The following NBPF15 variants were observed in gnomAD, a reference collection of about 807,000 sequenced individuals.
NBPF15 encodes the protein NBPF family member NBPF15.
Under a neutral mutation model 62.2 loss-of-function variants are expected in NBPF15, and 74 were observed. That is an observed-to-expected ratio of 1.19 (90% CI 0.99 to 1.44). The LOEUF (loss-of-function observed/expected upper bound fraction) is 1.44. Among genes scored for constraint, NBPF15 ranks in the 40% most tolerant of loss-of-function variants. The probability of loss-of-function intolerance (pLI) is 0.00; values close to 1 mark genes in which losing one functional copy is unlikely to be tolerated. For synonymous variants in NBPF15, 244 were observed against 209.7 expected (o/e 1.16, Z -1.41); for missense variants, 790 against 550.0 (o/e 1.44, Z -4.36).
rs2101655584 is a variant in NBPF15, at chr1:144,426,383, A to G, written c.1333T>C (p.Ser445Pro). 1.2e-6 allele frequency: 1 copy of G among 837,516 alleles called. No homozygotes were observed. The allele number at this position is 837,516 out of a possible 1,614,324, so 51.9% of individuals were successfully genotyped here. A position where few individuals can be genotyped will look rare whatever the true frequency, so the allele number is the denominator to read the frequency against. The change falls in exon 18 of 22, where the codon TCG becomes CCG. Residue 445 changes from serine (S) to proline (P), a missense_variant. Physicochemically the swap from Ser to Pro is moderately conservative, Grantham distance 74. Transcript: ENST00000581897. ...AGTTCAAGATAATCTGAAGGAGTCG[A>G]ATAACATCTATCCAGTGAGTCCTGC... ...VLQDSLDRCY[S>P]TPSDYLELPD...
chr1:144,439,250 G>T (rs1419995276), intron 8 of NBPF15, among the ~76,000 whole-genome samples: 2 of 151,772 alleles, frequency 1.3e-5, no homozygotes, highest in Non-Finnish European at 2.9e-5. Flanking sequence ...CCAAAGTGCT[G>T]GGATTACAGG....
chr1:144,454,906 G>T (rs1553546494), intron 4 of NBPF15, among the ~76,000 whole-genome samples: 1 of 150,302 alleles, frequency 6.7e-6, no homozygotes, highest in Non-Finnish European at 1.5e-5. Flanking sequence ...AGGGCTACAG[G>T]ACGAGCTCCC....
intron 5 of NBPF15, among the ~76,000 whole-genome samples, chr1:144,450,532 A>G (rs1210211494): frequency 6.7e-6 from 1 of 150,340 alleles, no homozygotes. Flanking sequence ...CAGCCAGCCC[A>G]TTCCCGGATT....
chr1:144,439,848 G>A lies in NBPF15; in HGVS notation c.156C>T (p.Ala52=). The stretch of plus-strand genomic sequence containing the variant: ...TCTTACTGTATTTCTTCTGTCGGTT[G>A]GCCAGGAAGCCGGCCAGTTGAGTTA... The part of the protein sequence containing the change: ...CFLTQLAGFL[A]NRQKKYKYEE... Residue 52 remains alanine (A), a synonymous_variant, in exon 8 of 22, where the codon GCC becomes GCT. Coordinates refer to ENST00000581897, the MANE Select transcript of NBPF15 (RefSeq NM_001385408.1). The A allele has an allele frequency of 6.2e-7, 1 of 1,606,288 alleles. No homozygotes were observed.
intron 13 of NBPF15, among the ~76,000 whole-genome samples, chr1:144,431,518 G>A (rs1299988351): frequency 6.7e-6 from 1 of 149,850 alleles, no homozygotes; most frequent in African/African-American, 2.5e-5. Flanking sequence ...AATACTTTAA[G>A]TCTTAGGGTA....
rs587670421 is a variant in NBPF15 at position 144,426,404 on chromosome 1, C to T, written c.1312G>A (p.Asp438Asn). 9.8e-6 allele frequency: 8 copies of T among 815,846 alleles called. No homozygotes were observed. The highest frequency in any genetic ancestry group is 1.3e-5 in the South Asian group (1 of 75,028). 50.5% of individuals were successfully genotyped at this position (815,846 alleles called of 1,614,324 possible). The part of the protein sequence containing the change: ...LDEKEPEVLQ[D>N]SLDRCYSTPS... ...GTCGAATAACATCTATCCAGTGAGT[C>T]CTGCAAGACTTCAGGCTCTTTCTCA... Residue 438 changes from aspartate (D) to asparagine (N), a missense_variant, in exon 18 of 22, where the codon GAC becomes AAC. Asp to Asn is a conservative substitution (Grantham distance 23). Coordinates refer to ENST00000581897, the MANE Select transcript of NBPF15 (RefSeq NM_001385408.1).
chr1:144,439,914 C>A lies in NBPF15; in HGVS notation c.90G>T (p.Glu30Asp). 1 of 1,611,608 alleles carries A rather than the reference C, an allele frequency of 6.2e-7. No homozygotes were observed. The highest frequency in any genetic ancestry group is 8.5e-7 in the Non-Finnish European group (1 of 1,179,314). Residue 30 changes from glutamate to aspartate, a missense_variant, in exon 8 of 22, where the codon GAG (glutamate) becomes GAT (aspartate). Transcript: ENST00000581897. The stretch of plus-strand genomic sequence containing the variant: ...TGAGGTTTCTGAACTGCTGTTTCTT[C>A]TCTGCCAACTGGGGGCGCAATTTCT... ...INEKLRPQLA[E>D]KKQQFRNLKE... is the part of the protein sequence containing the mutation.
In NBPF15 at chr1:144,423,882, G is replaced by T. The variant is rs1667579101; in HGVS notation, c.1757C>A (p.Pro586Gln). 2.6e-6 allele frequency: 2 copies of T among 776,568 alleles called. No homozygotes were observed. The highest frequency in any genetic ancestry group is 1.7e-5 in the Admixed American group (1 of 58,974). 48.1% of individuals were successfully genotyped at this position (776,568 alleles called of 1,614,324 possible). A position where few individuals can be genotyped will look rare whatever the true frequency, so the allele number is the denominator to read the frequency against. ...RGRKEGEDDN[P>Q]PCPRLYGVLM... is the part of the protein sequence containing the mutation. The stretch of plus-strand genomic sequence containing the variant: ...TGCTGAAAGTTACCTGGGGCATGGT[G>T]GGTTGTCATCTTCCCCTTCTTTTCT... The change falls in exon 21 of 22, where the codon CCA becomes CAA. Residue 586 changes from proline (P) to glutamine (Q), a missense_variant. Transcript: ENST00000581897.
chr1:144,447,214 C>T (rs1447928533), intron 6 of NBPF15, among the ~76,000 whole-genome samples: 6 of 152,268 alleles, frequency 3.9e-5, no homozygotes, highest in Non-Finnish European at 5.9e-5. Flanking sequence ...AGGAGAGGTG[C>T]CACAGGACCT....
chr1:144,436,841 G>A, intron 10 of NBPF15, 54 bp downstream of exon 10: 3 of 1,602,136 alleles, frequency 1.9e-6, no homozygotes, highest in African/African-American at 1.3e-5. Context: ...ATGGAGGTCT[G>A]GAGTCTCTCA....
At chr1:144,434,734 T>A (rs1198702766) in intron 12 of NBPF15, among the ~76,000 whole-genome samples, 7 of 151,820 alleles carry the variant, frequency 4.6e-5, no homozygotes, top group African/African-American at 1.7e-4. Context: ...TATTTCCAAA[T>A]ACAAAGGCAA....
At chr1:144,441,346 T>C (rs1682789835) in intron 6 of NBPF15, among the ~76,000 whole-genome samples, 1 of 151,976 alleles carries the variant, frequency 6.6e-6, no homozygotes. Context: ...ATATTTTCAG[T>C]CTTTTAAACT....
intron 6 of NBPF15, among the ~76,000 whole-genome samples, chr1:144,446,440 A>G (rs1571150699): frequency 6.6e-6 from 1 of 152,430 alleles, no homozygotes; most frequent in South Asian, 2.1e-4. Flanking sequence ...GCATTGATTT[A>G]GAGCTCTAGT....
Position 144,424,075 on chromosome 1 carries a change from G to A in NBPF15, c.1664-100C>T. The A allele has an allele frequency of 6.6e-6, 5 of 757,394 alleles. No individual in the cohort carries two copies. In the South Asian group the frequency reaches 6.8e-5, roughly 10 times the overall value. 46.9% of individuals were successfully genotyped at this position (757,394 alleles called of 1,614,324 possible). On this transcript the variant is annotated intron_variant, in intron 20 of 21. Transcript: ENST00000581897. ...TCACACAGGGACCTCAGGCTCCTCA[G>A]CATAAGAATACGACACCATGAGAGA...
At position 144,426,399 on chromosome 1, in the gene NBPF15, T is replaced by G. The variant is rs782458171; in HGVS notation, c.1317A>C (p.Ser439=). ...DEKEPEVLQD[S]LDRCYSTPSD... The stretch of plus-strand genomic sequence containing the variant: ...AAGGAGTCGAATAACATCTATCCAG[T>G]GAGTCCTGCAAGACTTCAGGCTCTT... The change falls in exon 18 of 22, where the codon TCA becomes TCC. Residue 439 remains serine (S), a synonymous_variant. Coordinates refer to ENST00000581897, the MANE Select transcript of NBPF15 (RefSeq NM_001385408.1). The G allele has an allele frequency of 1.3e-5, 11 of 821,684 alleles. No homozygotes were observed. The Admixed American group carries it at 1.9e-4, about 14-fold the overall frequency. The allele number at this position is 821,684 out of a possible 1,614,324, so 50.9% of individuals were successfully genotyped here.
In NBPF15 at chr1:144,450,857, T is replaced by G. The variant is rs1571158394; in HGVS notation, c.-418A>C. 1.5e-5 allele frequency: 12 copies of G among 826,574 alleles called. No individual in the cohort carries two copies. In the Middle Eastern group the frequency reaches 2.5e-3, roughly 171 times the overall value. The allele number at this position is 826,574 out of a possible 1,614,324, so 51.2% of individuals were successfully genotyped here. ...CACTTGAGTAGTGTGGCTTTACTGT[T>G]ATCAATCACATTTCTGAAAGAATAA... On this transcript the variant is annotated 5_prime_UTR_variant, in exon 5 of 22. Coordinates refer to ENST00000581897, the MANE Select transcript of NBPF15 (RefSeq NM_001385408.1).
At chr1:144,451,938 G>A (rs1286043171) in intron 4 of NBPF15, among the ~76,000 whole-genome samples, 4 of 151,798 alleles carry the variant, frequency 2.6e-5, no homozygotes, top group East Asian at 3.9e-4. Context: ...GATCACTTGA[G>A]GTCAAGAGTT....
rs1243047119 is a variant in NBPF15, at chr1:144,424,504, C to T, written c.1663+186G>A. Reference sequence around the variant, plus strand: ...GCCTGAGACTAGGAAGAGAGTCTTGCTCACTGACCCATCCCTTGTCTGGGC... The same window carrying T: ...GCCTGAGACTAGGAAGAGAGTCTTGTTCACTGACCCATCCCTTGTCTGGGC... On this transcript the variant is annotated intron_variant, in intron 20 of 21. Transcript: ENST00000581897. Among the ~76,000 whole-genome samples, 31 of 152,154 alleles carry T rather than the reference C, an allele frequency of 2.0e-4. No homozygotes were observed. The South Asian group carries it at 6.4e-3, about 32-fold the overall frequency.
At chr1:144,439,071 C>G (rs1195226509) in intron 8 of NBPF15, among the ~76,000 whole-genome samples, 1 of 151,866 alleles carries the variant, frequency 6.6e-6, no homozygotes, top group African/African-American at 2.4e-5. Context: ...GCAACCTCAG[C>G]CTCCTGGGTT....
Sources: allele counts gnomAD v4.1 joint callset (sites outside exome capture counted in the v4.1 genomes callset), GRCh38; gene constraint gnomAD v4.1.1; transcripts MANE v1.5; gene names NCBI Gene and HGNC (gene_info 2026-07-23, HGNC 2026-07-21).